Variants in EYA4 observed in about 807,000 individuals in gnomAD.
The protein encoded by EYA4 is EYA transcriptional coactivator and phosphatase 4.
Under a neutral mutation model 87.9 loss-of-function variants are expected in EYA4, and 31 were observed. That is an observed-to-expected ratio of 0.35 (90% CI 0.27 to 0.48). The LOEUF (loss-of-function observed/expected upper bound fraction) is 0.48. EYA4 is among the 20% of genes least tolerant of loss of function. The pLI is 0.99. For missense variants in EYA4, 678 were observed against 761.4 expected (o/e 0.89, Z 1.29); for synonymous variants, 263 against 270.6 (o/e 0.97, Z 0.28).
At chr6:133,446,990 GC>G in intron 4 of EYA4, among the ~76,000 whole-genome samples, 1 of 152,146 alleles carries the variant, frequency 6.6e-6, no homozygotes, top group Non-Finnish European at 1.5e-5. Flanking sequence ...CATTTCAAGG[GC>G]CTTGAACAAG....
chr6:133,449,683 T>A (rs75459184), intron 5 of EYA4, among the ~76,000 whole-genome samples: 4,242 of 152,268 alleles, frequency 0.028, 188 homozygotes, highest in African/African-American at 0.094. Context: ...TATAAAAGGA[T>A]GATAATAATA....
chr6:133,395,471 C>T (rs1054123114), intron 3 of EYA4, among the ~76,000 whole-genome samples: 2 of 152,114 alleles, frequency 1.3e-5, no homozygotes, highest in African/African-American at 4.8e-5. Context: ...TAAGGAAGAC[C>T]TCTAAGTTTG....
intron 3 of EYA4, among the ~76,000 whole-genome samples, chr6:133,414,373 C>T (rs1234709443): frequency 1.3e-5 from 2 of 152,174 alleles, no homozygotes; most frequent in Non-Finnish European, 2.9e-5. Flanking sequence ...ATGAAGAATC[C>T]CTCGTATGTA....
At chr6:133,417,603 C>T (rs1789838055) in intron 3 of EYA4, among the ~76,000 whole-genome samples, 1 of 152,046 alleles carries the variant, frequency 6.6e-6, no homozygotes, top group Admixed American at 6.6e-5. Flanking sequence ...AAAACACATA[C>T]ACACACACAA....
At chr6:133,292,355 A>G (rs959514801) in intron 2 of EYA4, among the ~76,000 whole-genome samples, 2 of 152,246 alleles carry the variant, frequency 1.3e-5, no homozygotes, top group Non-Finnish European at 2.9e-5. Flanking sequence ...TAATATTTTC[A>G]TAATGCCAGA....
chr6:133,349,064 T>C (rs1783434183), intron 2 of EYA4, among the ~76,000 whole-genome samples: 1 of 152,192 alleles, frequency 6.6e-6, no homozygotes, highest in African/African-American at 2.4e-5. Flanking sequence ...GGTCTTTGAA[T>C]GTGCCAGACG....
chr6:133,377,974 TCACACACA>T (rs5880179), intron 2 of EYA4, among the ~76,000 whole-genome samples: 27 of 150,724 alleles, frequency 1.8e-4, no homozygotes, highest in African/African-American at 6.1e-4. Context: ...TATATTATGT[TCACACACA>T]CACACACACA....
intron 1 of EYA4, among the ~76,000 whole-genome samples, chr6:133,264,893 G>A (rs543883621): frequency 2.0e-5 from 3 of 152,186 alleles, no homozygotes; most frequent in East Asian, 1.9e-4. Context: ...GTGCAGTGTC[G>A]TGATCATAGC....
In EYA4 at chr6:133,433,852, A is replaced by G. The variant is rs536815752; in HGVS notation, c.84-12778A>G. On this transcript the variant is annotated intron_variant, in intron 3 of 19. Coordinates refer to ENST00000355286, the MANE Select transcript of EYA4 (RefSeq NM_004100.5). ...CACTCGGGTCCCAAATGCCAACTGC[A>G]TGTGTAGTGAGCGACTGGGAGGACA... 3.9e-5 allele frequency among the ~76,000 whole-genome samples: 6 copies of G among 152,340 alleles called. No homozygotes were observed. In the East Asian group the frequency reaches 7.7e-4, roughly 20 times the overall value.
At chr6:133,291,049 T>G (rs1034915916) in intron 2 of EYA4, among the ~76,000 whole-genome samples, 4 of 152,204 alleles carry the variant, frequency 2.6e-5, no homozygotes, top group African/African-American at 9.7e-5. Context: ...ATGTTTGTTT[T>G]TCTCCTAGTT....
intron 2 of EYA4, chr6:133,360,262 G>C (rs970062640): frequency 1.2e-4 from 18 of 152,118 alleles, no homozygotes; most frequent in African/African-American, 2.9e-4. Flanking sequence ...TATCAAATAG[G>C]ATAATTTCAG....
chr6:133,516,115 C>T (rs946619988), intron 17 of EYA4, among the ~76,000 whole-genome samples: 4 of 152,002 alleles, frequency 2.6e-5, no homozygotes, highest in African/African-American at 4.8e-5. Flanking sequence ...CTGTACTGTC[C>T]GCTTCCATTA....
At chr6:133,353,703 A>G (rs1783804381) in intron 2 of EYA4, among the ~76,000 whole-genome samples, 1 of 152,180 alleles carries the variant, frequency 6.6e-6, no homozygotes. Flanking sequence ...AGACTTAGCC[A>G]AACACATCCT....
intron 3 of EYA4, among the ~76,000 whole-genome samples, chr6:133,394,323 A>C (rs1048193935): frequency 1.2e-5 from 1 of 85,996 alleles, no homozygotes; most frequent in South Asian, 3.2e-4. Context: ...TTTTTTGGTC[A>C]TCGAATGATT....
chr6:133,435,837 G>GTA (rs1340030775), intron 3 of EYA4, among the ~76,000 whole-genome samples: 2 of 142,584 alleles, frequency 1.4e-5, no homozygotes, highest in Non-Finnish European at 3.0e-5. Context: ...GTGCACGCGT[G>GTA]TACACACACA....
Position 133,466,462 on chromosome 6 carries a change from C to T in EYA4, c.804+1604C>T, listed in dbSNP as rs116106951. Among the ~76,000 whole-genome samples, 338 of 152,112 alleles carry T rather than the reference C, an allele frequency of 2.2e-3. 1 individual carries two copies. The highest frequency in any genetic ancestry group is 7.6e-3 in the African/African-American group (317 of 41,504). ...GAATTGGTCTGTATACTGGGGCACA[C>T]GAAGGTGGGGCTGGAGTAGATCAGA... On this transcript the variant is annotated intron_variant, in intron 10 of 19. Coordinates refer to ENST00000355286, the MANE Select transcript of EYA4 (RefSeq NM_004100.5).
At chr6:133,279,872 C>T (rs1383496315) in intron 2 of EYA4, among the ~76,000 whole-genome samples, 1 of 152,018 alleles carries the variant, frequency 6.6e-6, no homozygotes, top group Non-Finnish European at 1.5e-5. Flanking sequence ...TTCAGAACCA[C>T]CAATTTATGA....
chr6:133,343,339 TG>T, intron 2 of EYA4, among the ~76,000 whole-genome samples: 1 of 152,348 alleles, frequency 6.6e-6, no homozygotes, highest in African/African-American at 2.4e-5. Context: ...CTTACTCATT[TG>T]TTCACACTTT....
chr6:133,432,906 A>G (rs981469045), intron 3 of EYA4, among the ~76,000 whole-genome samples: 1 of 152,256 alleles, frequency 6.6e-6, no homozygotes, highest in Admixed American at 6.5e-5. Context: ...AGTGTTATTT[A>G]GTTATTAGTT....
Sources: allele counts gnomAD v4.1 joint callset (sites outside exome capture counted in the v4.1 genomes callset), GRCh38; gene constraint gnomAD v4.1.1; transcripts MANE v1.5; gene names NCBI Gene and HGNC (gene_info 2026-07-23, HGNC 2026-07-21).